Variants in EYS observed in about 807,000 individuals in gnomAD.
The protein encoded by EYS is EGF-like photoreceptor maintenance factor, also known as protein eyes shut homolog.
EYS carries 250 observed loss-of-function variants against 282.1 expected under a neutral mutation model. The observed-to-expected ratio is 0.89, with a 90% CI of 0.80 to 0.98. EYS has a LOEUF of 0.98. Ranked by LOEUF, EYS falls within the 50% of genes least tolerant of loss-of-function variation. The pLI, the probability that EYS is intolerant of heterozygous loss-of-function variation, is 0.00. For synonymous variants in EYS, 1,355 were observed against 1,282.9 expected (o/e 1.06, Z -1.20); for missense variants, 4,016 against 3,709.0 (o/e 1.08, Z -2.15).
At chr6:64,249,476 C>G (rs1387196755) in intron 30 of EYS, among the ~76,000 whole-genome samples, 1 of 152,112 alleles carries the variant, frequency 6.6e-6, no homozygotes, top group Non-Finnish European at 1.5e-5. Flanking sequence ...CCTGACTTGA[C>G]CACTGTGCAA....
chr6:64,379,386 T>A (rs1465040602), intron 29 of EYS, among the ~76,000 whole-genome samples: 1 of 152,198 alleles, frequency 6.6e-6, no homozygotes, highest in East Asian at 1.9e-4. Context: ...CCAGATTACT[T>A]CTTGTTTTAC....
chr6:64,688,742 G>T (rs182148975), intron 22 of EYS, among the ~76,000 whole-genome samples: 1 of 152,062 alleles, frequency 6.6e-6, no homozygotes, highest in Admixed American at 6.6e-5. Flanking sequence ...TATTAGGTCC[G>T]CTTGGTGCAG....
At chr6:63,832,931 G>A (rs1377342278) in intron 36 of EYS, among the ~76,000 whole-genome samples, 1 of 151,930 alleles carries the variant, frequency 6.6e-6, no homozygotes, top group African/African-American at 2.4e-5. Context: ...TCAATAAATG[G>A]AATCCATCAT....
At chr6:64,469,538 C>T (rs1776040611) in intron 26 of EYS, among the ~76,000 whole-genome samples, 1 of 152,092 alleles carries the variant, frequency 6.6e-6, no homozygotes, top group Non-Finnish European at 1.5e-5. Context: ...GACCAGAAGA[C>T]AAGAGTGCGA....
At chr6:65,053,751 G>A (rs1057300306) in intron 13 of EYS, among the ~76,000 whole-genome samples, 2 of 151,832 alleles carry the variant, frequency 1.3e-5, no homozygotes, top group African/African-American at 2.4e-5. Context: ...GAGTATAGTC[G>A]TGTTTTTGAG....
At chr6:64,768,296 T>C (rs1400083323) in intron 22 of EYS, among the ~76,000 whole-genome samples, 1 of 152,146 alleles carries the variant, frequency 6.6e-6, no homozygotes, top group East Asian at 1.9e-4. Context: ...AATTTCCTTT[T>C]TTTGAAATAG....
At chr6:65,003,899 A>G (rs2024835) in intron 13 of EYS, among the ~76,000 whole-genome samples, 11,429 of 147,124 alleles carry the variant, frequency 0.078, 1,758 homozygotes, top group East Asian at 0.17. Flanking sequence ...CACATTCTGT[A>G]TATAATGTCA....
At chr6:63,772,671 G>A (rs1022177082) in intron 40 of EYS, among the ~76,000 whole-genome samples, 6 of 152,000 alleles carry the variant, frequency 3.9e-5, no homozygotes, top group Non-Finnish European at 8.8e-5. Flanking sequence ...TTGAAGTACA[G>A]TTCATTTCCT....
At chr6:65,214,057 T>C (rs1582024668) in intron 12 of EYS, among the ~76,000 whole-genome samples, 1 of 145,070 alleles carries the variant, frequency 6.9e-6, no homozygotes, top group South Asian at 2.2e-4. Context: ...TACTCGGGAG[T>C]CTGAGGCAGG....
At chr6:65,156,206 G>A (rs11969157) in intron 12 of EYS, among the ~76,000 whole-genome samples, 38,806 of 150,886 alleles carry the variant, frequency 0.26, 5,329 homozygotes, top group African/African-American at 0.35. Context: ...GACTGCTTCA[G>A]AGACTCCCTT....
intron 26 of EYS, among the ~76,000 whole-genome samples, chr6:64,447,280 GT>G (rs1775147093): frequency 6.6e-6 from 1 of 151,974 alleles, no homozygotes; most frequent in Admixed American, 6.6e-5. Context: ...TTAAATTTCT[GT>G]GTTCTACAAA....
At chr6:65,544,400 G>T (rs548115535) in intron 2 of EYS, among the ~76,000 whole-genome samples, 1 of 152,188 alleles carries the variant, frequency 6.6e-6, no homozygotes, top group Admixed American at 6.5e-5. Flanking sequence ...ATACGGTCTG[G>T]CTGTGTTCCC....
intron 36 of EYS, among the ~76,000 whole-genome samples, chr6:63,834,087 G>A (rs950093609): frequency 6.6e-6 from 1 of 152,110 alleles, no homozygotes; most frequent in Non-Finnish European, 1.5e-5. Flanking sequence ...TTAAATGTTA[G>A]ACCTAAAGCC....
At chr6:64,528,383 A>T (rs922787031) in intron 26 of EYS, among the ~76,000 whole-genome samples, 1 of 151,660 alleles carries the variant, frequency 6.6e-6, no homozygotes, top group Non-Finnish European at 1.5e-5. Flanking sequence ...ATGGCTCTCA[A>T]TTCCAGGGTT....
At chr6:64,760,167 T>A (rs1266879891) in intron 22 of EYS, among the ~76,000 whole-genome samples, 1 of 152,142 alleles carries the variant, frequency 6.6e-6, no homozygotes, top group Non-Finnish European at 1.5e-5. Flanking sequence ...CCCCAAATAG[T>A]TGTATAGTTT....
chr6:65,626,591 G>C (rs1028074503), intron 2 of EYS, among the ~76,000 whole-genome samples: 1 of 152,058 alleles, frequency 6.6e-6, no homozygotes, highest in African/African-American at 2.4e-5. Flanking sequence ...TTTAATTAAA[G>C]CTCCTCTGAT....
intron 31 of EYS, among the ~76,000 whole-genome samples, chr6:64,107,285 T>TTTTATATATA (rs1275963690): frequency 2.0e-5 from 2 of 101,502 alleles, no homozygotes; most frequent in African/African-American, 3.5e-5. Context: ...ATATATATAT[T>TTTTATATATA]TATATATATA....
intron 26 of EYS, among the ~76,000 whole-genome samples, chr6:64,440,467 G>A (rs1774902220): frequency 6.6e-6 from 1 of 151,956 alleles, no homozygotes; most frequent in African/African-American, 2.4e-5. Context: ...ATGAGTATAT[G>A]TGTGTGTGTT....
intron 30 of EYS, among the ~76,000 whole-genome samples, chr6:64,290,539 T>C (rs1038458397): frequency 2.0e-5 from 3 of 152,106 alleles, no homozygotes; most frequent in African/African-American, 7.2e-5. Flanking sequence ...GTAGCCTAAC[T>C]TAATTATTCA....
Sources: gnomAD v4.1 joint callset for allele counts (sites outside exome capture counted in the v4.1 genomes callset) on GRCh38, gnomAD v4.1.1 for gene constraint, MANE v1.5 for transcripts, NCBI Gene and HGNC (gene_info 2026-07-23, HGNC 2026-07-21) for gene names.